The following HCRTR2 variants were observed in gnomAD, a reference collection of about 807,000 sequenced individuals.
The protein encoded by HCRTR2 is orexin receptor type 2.
A neutral mutation model predicts 49.0 loss-of-function variants in HCRTR2; 22 were observed. That is an observed-to-expected ratio of 0.45 (90% CI 0.32 to 0.64). HCRTR2 has a LOEUF of 0.64. HCRTR2 is among the 30% of genes least tolerant of loss of function. The pLI is 0.04. For synonymous variants in HCRTR2, 236 were observed against 205.3 expected (o/e 1.15, Z -1.28); for missense variants, 491 against 559.4 (o/e 0.88, Z 1.23).
chr6:55,138,125 T>TA (rs1764456540), intron 1 of HCRTR2, among the ~76,000 whole-genome samples: 1 of 152,124 alleles, frequency 6.6e-6, no homozygotes, highest in Non-Finnish European at 1.5e-5. Flanking sequence ...TTTTGCATGA[T>TA]CAGCAAATAA....
At chr6:55,277,286 G>T in intron 4 of HCRTR2, 94 bp from the exon 5 acceptor site, 4 of 1,036,230 alleles carry the variant, frequency 3.9e-6, no homozygotes, top group East Asian at 2.5e-5. Context: ...TCAGGCGTCT[G>T]GAAGCCTTTC....
At chr6:55,264,344 A>G (rs968814066) in intron 4 of HCRTR2, among the ~76,000 whole-genome samples, 2 of 152,096 alleles carry the variant, frequency 1.3e-5, no homozygotes, top group African/African-American at 2.4e-5. Context: ...ACTGTATATA[A>G]TGCTGATTTG....
At chr6:55,245,375 A>G (rs1766413429) in intron 1 of HCRTR2, among the ~76,000 whole-genome samples, 1 of 144,500 alleles carries the variant, frequency 6.9e-6, no homozygotes, top group Non-Finnish European at 1.5e-5. Flanking sequence ...GTGTGTGTAT[A>G]TATATATATA....
intron 1 of HCRTR2, among the ~76,000 whole-genome samples, chr6:55,151,534 C>A (rs148456890): frequency 6.4e-4 from 98 of 152,062 alleles, no homozygotes; most frequent in African/African-American, 2.2e-3. Flanking sequence ...AATTCTATTT[C>A]TTTTGCTATT....
rs763355668 is a variant in HCRTR2, at chr6:55,255,231, A to G, written c.498A>G (p.Ala166=). The G allele has an allele frequency of 6.2e-7, 1 of 1,614,008 alleles. No individual in the cohort carries two copies. Among genetic ancestry groups the G allele is most frequent in the African/African-American group, 1.3e-5 (1 of 75,006 alleles). ...ACCCTTTGATGTTTAAGAGCACAGC[A>G]AAGCGGGCCCGTAACAGCATTGTCA... ...ICHPLMFKST[A]KRARNSIVII... Residue 166 remains alanine (A), a synonymous_variant, in exon 3 of 7, where the codon GCA becomes GCG. Coordinates refer to ENST00000370862, the MANE Select transcript of HCRTR2 (RefSeq NM_001384272.1).
chr6:55,214,614 T>C (rs1409334352), intron 1 of HCRTR2, among the ~76,000 whole-genome samples: 1 of 152,060 alleles, frequency 6.6e-6, no homozygotes, highest in Non-Finnish European at 1.5e-5. Context: ...TCATTGGGAT[T>C]ACAGGCATGA....
chr6:55,144,354 G>T (rs1369606453), intron 1 of HCRTR2, among the ~76,000 whole-genome samples: 1 of 151,958 alleles, frequency 6.6e-6, no homozygotes, highest in Non-Finnish European at 1.5e-5. Flanking sequence ...GACCTCAAGT[G>T]ATCCACCCGC....
chr6:55,181,130 C>A (rs547150397), intron 1 of HCRTR2, among the ~76,000 whole-genome samples: 1 of 149,140 alleles, frequency 6.7e-6, no homozygotes, highest in Non-Finnish European at 1.5e-5. Context: ...TCTATATCAC[C>A]GGACAGTGTT....
chr6:55,232,523 G>A (rs1176243056), intron 1 of HCRTR2, among the ~76,000 whole-genome samples: 3 of 152,106 alleles, frequency 2.0e-5, no homozygotes, highest in Admixed American at 6.6e-5. Context: ...CTAAAACTAG[G>A]AAATGTTTAT....
chr6:55,272,212 G>A (rs1056901812), intron 4 of HCRTR2, among the ~76,000 whole-genome samples: 6 of 152,120 alleles, frequency 3.9e-5, no homozygotes, highest in Non-Finnish European at 7.4e-5. Flanking sequence ...TATGCCACAA[G>A]ATTGATGAAT....
chr6:55,203,603 G>T (rs928574976), intron 1 of HCRTR2, among the ~76,000 whole-genome samples: 1 of 152,100 alleles, frequency 6.6e-6, no homozygotes, highest in Admixed American at 6.6e-5. Flanking sequence ...ACCTGTTCGG[G>T]TATGGGTTCA....
chr6:55,154,626 C>G (rs1005687436), intron 1 of HCRTR2, among the ~76,000 whole-genome samples: 12 of 151,724 alleles, frequency 7.9e-5, no homozygotes, highest in African/African-American at 2.7e-4. Context: ...GATGCCCATT[C>G]TTGCTTCTAT....
intron 1 of HCRTR2, among the ~76,000 whole-genome samples, chr6:55,147,301 T>A (rs1764608225): frequency 6.6e-6 from 1 of 152,140 alleles, no homozygotes; most frequent in Non-Finnish European, 1.5e-5. Flanking sequence ...TAAAAATAAA[T>A]ACTATGTTGT....
chr6:55,201,287 T>TA (rs1337592531), intron 1 of HCRTR2, among the ~76,000 whole-genome samples: 1 of 140,862 alleles, frequency 7.1e-6, no homozygotes, highest in Non-Finnish European at 1.5e-5. Context: ...TCTATCCAGC[T>TA]ACATCAATAA....
At chr6:55,183,407 G>A (rs1457168464) in intron 1 of HCRTR2, among the ~76,000 whole-genome samples, 2 of 152,198 alleles carry the variant, frequency 1.3e-5, no homozygotes, top group African/African-American at 2.4e-5. Context: ...GAAAGTGTTA[G>A]GCAATTGGGT....
intron 1 of HCRTR2, among the ~76,000 whole-genome samples, chr6:55,148,942 C>A (rs1027288008): frequency 6.6e-6 from 1 of 152,064 alleles, no homozygotes; most frequent in East Asian, 1.9e-4. Context: ...CTGATACTTT[C>A]TTTTTCTTTC....
At chr6:55,278,397 C>T (rs1767120230) in intron 5 of HCRTR2, among the ~76,000 whole-genome samples, 1 of 152,118 alleles carries the variant, frequency 6.6e-6, no homozygotes, top group Non-Finnish European at 1.5e-5. Flanking sequence ...AGAATTGCTC[C>T]TCTCACTTTG....
chr6:55,129,001 C>T (rs1764318487), intron 1 of HCRTR2, among the ~76,000 whole-genome samples: 1 of 152,132 alleles, frequency 6.6e-6, no homozygotes, highest in Admixed American at 6.6e-5. Context: ...TTTTTGGCTT[C>T]TCCTGGTTCC....
intron 1 of HCRTR2, among the ~76,000 whole-genome samples, chr6:55,117,220 C>A (rs902166938): frequency 1.3e-5 from 2 of 151,744 alleles, no homozygotes; most frequent in African/African-American, 4.8e-5. Flanking sequence ...AATTTATAAT[C>A]TTTTAAAGCA....
Sources: allele counts gnomAD v4.1 joint callset (sites outside exome capture counted in the v4.1 genomes callset), GRCh38; gene constraint gnomAD v4.1.1; transcripts MANE v1.5; gene names NCBI Gene and HGNC (gene_info 2026-07-23, HGNC 2026-07-21).